C9orf153: variants seen among roughly 807,000 people sequenced by gnomAD.
C9orf153 encodes the protein uncharacterized protein C9orf153.
Under a neutral mutation model 9.0 loss-of-function variants are expected in C9orf153, and 10 were observed. The ratio of observed to expected loss-of-function variants is 1.11; its 90% confidence interval spans 0.69 to 1.89. The LOEUF (loss-of-function observed/expected upper bound fraction) is 1.89, where lower values mean the gene tolerates loss of function less well. Ranked by LOEUF, C9orf153 falls within the 40% of genes most tolerant of loss-of-function variation. The probability of loss-of-function intolerance (pLI) is 0.00; values close to 1 mark genes in which losing one functional copy is unlikely to be tolerated. For synonymous variants in C9orf153, 35 were observed against 37.3 expected (o/e 0.94, Z 0.23); for missense variants, 108 against 111.0 (o/e 0.97, Z 0.12).
At chr9:86,226,626 T>C (rs1435881256) in intron 3 of C9orf153, among the ~76,000 whole-genome samples, 1 of 152,210 alleles carries the variant, frequency 6.6e-6, no homozygotes, top group East Asian at 1.9e-4. Flanking sequence ...CAGAGGGTTA[T>C]CACAAATTGA....
intron 1 of C9orf153, among the ~76,000 whole-genome samples, chr9:86,237,907 T>C (rs1824635512): frequency 6.6e-6 from 1 of 151,964 alleles, no homozygotes; most frequent in Non-Finnish European, 1.5e-5. Context: ...GGCGAAACCC[T>C]GTCTCTACTA....
rs199546580 is a variant in C9orf153, at chr9:86,227,907, T to C, written c.190A>G (p.Met64Val). ...QEVLARNLNVMSFTRGADVRG... is the reference protein window; with the variant it reads ...QEVLARNLNVVSFTRGADVRG... ...ACATCAGCGCCCCTGGTGAATGACA[T>C]GACATTCAGGTTTCTAGCAAGTACT... Residue 64 changes from methionine (M) to valine (V), a missense_variant, in exon 3 of 4, where the codon ATG becomes GTG. Physicochemically the swap from Met to Val is conservative, Grantham distance 21. Transcript: ENST00000339137. 1.1e-4 allele frequency: 180 copies of C among 1,613,830 alleles called. No individual in the cohort carries two copies. Among genetic ancestry groups the C allele is most frequent in the Non-Finnish European group, 1.5e-4 (176 of 1,179,866 alleles).
At chr9:86,241,388 C>T (rs1824740741) in intron 1 of C9orf153, among the ~76,000 whole-genome samples, 1 of 152,066 alleles carries the variant, frequency 6.6e-6, no homozygotes, top group Non-Finnish European at 1.5e-5. Context: ...TGGGGGATCC[C>T]CATCTATTTC....
chr9:86,224,072 T>C (rs1188475238), intron 3 of C9orf153, among the ~76,000 whole-genome samples: 2 of 151,678 alleles, frequency 1.3e-5, no homozygotes, highest in Non-Finnish European at 2.9e-5. Context: ...CTGGGCAACA[T>C]AGCAAGATAC....
chr9:86,256,475 GATTAATGTC>G (rs1825125084), intron 1 of C9orf153, among the ~76,000 whole-genome samples: 1 of 152,202 alleles, frequency 6.6e-6, no homozygotes, highest in Non-Finnish European at 1.5e-5. Context: ...AAGAACATTT[GATTAATGTC>G]ATCTTCGTGG....
At chr9:86,234,500 A>T (rs1256842282) in intron 1 of C9orf153, among the ~76,000 whole-genome samples, 1 of 152,254 alleles carries the variant, frequency 6.6e-6, no homozygotes, top group Non-Finnish European at 1.5e-5. Flanking sequence ...TGGGACAATT[A>T]AATATCCACA....
chr9:86,245,127 G>A (rs10746772), intron 1 of C9orf153, among the ~76,000 whole-genome samples: 80,314 of 151,920 alleles, frequency 0.53, 22,864 homozygotes, highest in East Asian at 0.83. Context: ...GAGTCTCACC[G>A]TGTTGGCCAG....
intron 1 of C9orf153, among the ~76,000 whole-genome samples, chr9:86,246,947 G>A (rs1436871153): frequency 6.6e-6 from 1 of 152,222 alleles, no homozygotes; most frequent in Non-Finnish European, 1.5e-5. Context: ...CCAAGCTAGA[G>A]GCAGGCTCCC....
In C9orf153 at chr9:86,220,568, T is replaced by TC. The variant is rs1363037593; in HGVS notation, c.*1119dup. 6.6e-6 allele frequency: 1 copy of TC among 152,184 alleles called. No homozygotes were observed. Among genetic ancestry groups the TC allele is most frequent in the Non-Finnish European group, 1.5e-5 (1 of 68,036 alleles). 9.4% of individuals were successfully genotyped at this position (152,184 alleles called of 1,614,324 possible). ...TCTGACCTCTATTGTTAATGAGCAT[T>TC]CTATTGTCAATTTGTCATTTCTTTG... On this transcript the variant is annotated 3_prime_UTR_variant, in exon 4 of 4. Transcript: ENST00000339137.
intron 3 of C9orf153, 58 bp downstream of exon 3, chr9:86,227,797 G>A (rs532945269): frequency 6.5e-7 from 1 of 1,541,588 alleles, no homozygotes; most frequent in African/African-American, 1.4e-5. Context: ...TTGCCAGTAA[G>A]CTGCGGTAGA....
intron 1 of C9orf153, among the ~76,000 whole-genome samples, chr9:86,258,178 C>A (rs1287326373): frequency 6.6e-6 from 1 of 151,908 alleles, no homozygotes; most frequent in East Asian, 1.9e-4. Flanking sequence ...CCTGTCTCTA[C>A]TAACAATACA....
At chr9:86,248,124 TTTTGTTTTTG>T (rs1242894018) in intron 1 of C9orf153, among the ~76,000 whole-genome samples, 7 of 152,114 alleles carry the variant, frequency 4.6e-5, no homozygotes, top group African/African-American at 7.2e-5. Context: ...TTTTTTCTAC[TTTTGTTTTTG>T]TTTGTTTTTG....
intron 1 of C9orf153, among the ~76,000 whole-genome samples, chr9:86,248,271 T>C (rs984427363): frequency 1.3e-5 from 2 of 151,934 alleles, no homozygotes; most frequent in Non-Finnish European, 2.9e-5. Context: ...GTAGCTGGGA[T>C]TACAGGTGCC....
At chr9:86,238,743 T>G (rs1254395559) in intron 1 of C9orf153, among the ~76,000 whole-genome samples, 1 of 152,018 alleles carries the variant, frequency 6.6e-6, no homozygotes, top group African/African-American at 2.4e-5. Flanking sequence ...ATGGCAGAGA[T>G]GTGTGCTGAA....
intron 1 of C9orf153, among the ~76,000 whole-genome samples, chr9:86,243,217 A>T (rs1824787703): frequency 5.3e-5 from 8 of 152,204 alleles, no homozygotes; most frequent in Admixed American, 5.2e-4. Context: ...CTTTGGGAAC[A>T]TGAAACAAGA....
intron 1 of C9orf153, among the ~76,000 whole-genome samples, chr9:86,235,770 AG>A: frequency 1.4e-5 from 2 of 139,282 alleles, no homozygotes; most frequent in Non-Finnish European, 3.1e-5. Flanking sequence ...AAAAAAAAAG[AG>A]AGAGAGAAAG....
chr9:86,222,521 T>C (rs1371156097), intron 3 of C9orf153, among the ~76,000 whole-genome samples: 1 of 152,120 alleles, frequency 6.6e-6, no homozygotes, highest in Admixed American at 6.5e-5. Context: ...AATCTGGCCA[T>C]TCTCCATACT....
intron 1 of C9orf153, among the ~76,000 whole-genome samples, chr9:86,234,382 T>C (rs1824535735): frequency 6.6e-6 from 1 of 152,166 alleles, no homozygotes; most frequent in African/African-American, 2.4e-5. Flanking sequence ...GGAAATGAAA[T>C]AAAGGCTAAA....
At chr9:86,229,465 T>C (rs917855010) in intron 2 of C9orf153, 73 bp downstream of exon 2, 16 of 1,056,454 alleles carry the variant, frequency 1.5e-5, no homozygotes, top group Admixed American at 7.7e-5. Context: ...GTGCGTTCAA[T>C]AGTTTGAATG....
Sources: allele counts gnomAD v4.1 joint callset (sites outside exome capture counted in the v4.1 genomes callset), GRCh38; gene constraint gnomAD v4.1.1; transcripts MANE v1.5; gene names NCBI Gene and HGNC (gene_info 2026-07-23, HGNC 2026-07-21).